Variants in ZNF66 observed in about 807,000 individuals in gnomAD.
ZNF66 encodes putative zinc finger protein 66.
ZNF66 carries 32 observed loss-of-function variants against 35.2 expected under a neutral mutation model. The ratio of observed to expected loss-of-function variants is 0.91; its 90% CI spans 0.69 to 1.22. The LOEUF (loss-of-function observed/expected upper bound fraction) is 1.22. ZNF66 is among the 50% of genes most tolerant of loss of function. The pLI, the probability that ZNF66 is intolerant of heterozygous loss-of-function variation, is 0.00. For missense variants in ZNF66, 666 were observed against 543.1 expected (o/e 1.23, Z -2.25); for synonymous variants, 231 against 181.3 (o/e 1.27, Z -2.20).
chr19:20,788,829 G>A (rs1307191997), intron 1 of ZNF66, among the ~76,000 whole-genome samples: 6 of 151,934 alleles, frequency 3.9e-5, no homozygotes, highest in African/African-American at 9.7e-5. Context: ...AAGGCAGGTG[G>A]ATCACAAGGT....
In ZNF66 at chr19:20,792,492, T is replaced by C. The variant is rs1186992987; in HGVS notation, c.4-20T>C. ...CGCCCATAACCACTTGGTGAAAATGTGTGTGTGTATATTTTTCAGGGGCCA... is the reference window on the plus strand; with the variant it reads ...CGCCCATAACCACTTGGTGAAAATGCGTGTGTGTATATTTTTCAGGGGCCA... On this transcript the variant is annotated intron_variant, in intron 1 of 3. Transcript: ENST00000344519. 1.3e-6 allele frequency: 2 copies of C among 1,490,136 alleles called. No homozygotes were observed. The highest frequency in any genetic ancestry group is 1.8e-6 in the Non-Finnish European group (2 of 1,085,160). The allele number at this position is 1,490,136 out of a possible 1,614,324, so 92.3% of individuals were successfully genotyped here.
intron 2 of ZNF66, 56 bp from the exon 3 acceptor site, chr19:20,793,727 A>G: frequency 4.7e-6 from 3 of 643,000 alleles, no homozygotes; most frequent in Non-Finnish European, 7.6e-6. Context: ...GCACATTACT[A>G]GCTTGTAATT....
chr19:20,802,994 C>T (rs1971463777), intron 3 of ZNF66, among the ~76,000 whole-genome samples: 1 of 146,336 alleles, frequency 6.8e-6, no homozygotes, highest in South Asian at 2.2e-4. Flanking sequence ...TAAAATATGA[C>T]ATTTTCTTAC....
intron 3 of ZNF66, among the ~76,000 whole-genome samples, chr19:20,795,735 T>C (rs1200342661): frequency 6.6e-6 from 1 of 152,132 alleles, no homozygotes; most frequent in African/African-American, 2.4e-5. Flanking sequence ...AACTGAGTCA[T>C]AGAACCGCTT....
rs1162834296 is a variant in ZNF66, at chr19:20,806,573, T to A, written c.973T>A (p.Ser325Thr). 2 of 1,587,086 alleles carry A rather than the reference T, an allele frequency of 1.3e-6. No homozygotes were observed. The highest frequency in any genetic ancestry group is 4.5e-5 in the East Asian group (2 of 44,726). ...AGAATGTGGTAAAGCCTTCAACTGG[T>A]CCTCACACCTTACTACACATAAGAG... ...CEECGKAFNW[S>T]SHLTTHKRIH... Residue 325 changes from serine to threonine, a missense_variant, in exon 4 of 4, where the codon TCC (serine) becomes ACC (threonine). Physicochemically the swap from Ser to Thr is moderately conservative, Grantham distance 58 (BLOSUM62 1). Transcript: ENST00000344519.
intron 1 of ZNF66, among the ~76,000 whole-genome samples, chr19:20,781,039 C>T (rs1254635389): frequency 9.8e-5 from 15 of 152,312 alleles, no homozygotes; most frequent in Non-Finnish European, 2.9e-5. Flanking sequence ...GGCATATCCC[C>T]ATCCACAGAT....
chr19:20,807,430 A>T lies in ZNF66; in HGVS notation c.*108A>T, dbSNP rs1005131804. The T allele has an allele frequency of 3.6e-6, 2 of 550,604 alleles. No homozygotes were observed. Among genetic ancestry groups the T allele is most frequent in the Non-Finnish European group, 3.2e-6 (1 of 310,174 alleles). The allele number at this position is 550,604 out of a possible 1,614,324, so 34.1% of individuals were successfully genotyped here. On this transcript the variant is annotated 3_prime_UTR_variant, in exon 4 of 4. Transcript: ENST00000344519. ...AACCAGCTATCAACTTTTACTAAAT[A>T]TGAGAATTTATGGAACACAAACACT...
chr19:20,809,814 A>G lies in ZNF66; in HGVS notation c.*2492A>G, dbSNP rs1971571089. Among the ~76,000 whole-genome samples the G allele has an allele frequency of 1.3e-5, 2 of 152,174 alleles. No individual in the cohort carries two copies. Among genetic ancestry groups the G allele is most frequent in the African/African-American group, 4.8e-5 (2 of 41,434 alleles). ...CAGCTAACATCATAATGACAGCATC[A>G]AATTCTCACATAACAATATTAGCTT... On this transcript the variant is annotated 3_prime_UTR_variant, in exon 4 of 4. Coordinates refer to ENST00000344519, the MANE Select transcript of ZNF66 (RefSeq NM_001355197.2).
intron 1 of ZNF66, among the ~76,000 whole-genome samples, chr19:20,782,355 A>G (rs1971252724): frequency 6.6e-6 from 1 of 152,238 alleles, no homozygotes; most frequent in South Asian, 2.1e-4. Flanking sequence ...GTGTCTTTAT[A>G]ATATAATAAT....
At chr19:20,801,197 CA>C (rs1971444516) in intron 3 of ZNF66, among the ~76,000 whole-genome samples, 1 of 151,900 alleles carries the variant, frequency 6.6e-6, no homozygotes, top group African/African-American at 2.4e-5. Context: ...AACTTTTTTT[CA>C]TTCTGTTACT....
At chr19:20,796,140 T>C (rs34333465) in intron 3 of ZNF66, among the ~76,000 whole-genome samples, 14,260 of 152,142 alleles carry the variant, frequency 0.094, 794 homozygotes, top group Non-Finnish European at 0.12. Context: ...TCTCCAACGT[T>C]AATGTACCAT....
At chr19:20,780,407 CA>C (rs1345566586) in intron 1 of ZNF66, among the ~76,000 whole-genome samples, 3 of 152,130 alleles carry the variant, frequency 2.0e-5, no homozygotes, top group Non-Finnish European at 2.9e-5. Flanking sequence ...AACTGGTAAA[CA>C]TAACTACAGT....
intron 1 of ZNF66, among the ~76,000 whole-genome samples, chr19:20,785,501 A>G (rs935076482): frequency 1.3e-5 from 2 of 152,198 alleles, no homozygotes; most frequent in Middle Eastern, 3.2e-3. Flanking sequence ...CAGATGCCCT[A>G]TTCCATCTCC....
Position 20,776,337 on chromosome 19 carries a change from GTTCA to G in ZNF66, c.-110_-107del. On this transcript the variant is annotated 5_prime_UTR_variant, in exon 1 of 4. Transcript: ENST00000344519. ...CTGCAGCTGGAGCTCCAGGTCGTCT[GTTCA>G]CTGCTCTCTGTCTTCTTCTCCTAGA... The G allele has an allele frequency of 6.8e-7, 1 of 1,469,256 alleles. No individual in the cohort carries two copies. The highest frequency in any genetic ancestry group is 9.5e-7 in the Non-Finnish European group (1 of 1,051,576). 91.0% of individuals were successfully genotyped at this position (1,469,256 alleles called of 1,614,324 possible). A position where few individuals can be genotyped will look rare whatever the true frequency, so the allele number is the denominator to read the frequency against.
intron 1 of ZNF66, 67 bp from the exon 2 acceptor site, chr19:20,792,445 C>T (rs1371739901): frequency 6.6e-6 from 9 of 1,353,864 alleles, no homozygotes; most frequent in African/African-American, 1.5e-5. Context: ...TCTCATTTCA[C>T]CTTAAGTCAA....
intron 1 of ZNF66, among the ~76,000 whole-genome samples, chr19:20,790,548 G>A (rs1244618121): frequency 7.7e-6 from 1 of 130,160 alleles, no homozygotes; most frequent in Non-Finnish European, 1.7e-5. Context: ...CATCTTCATG[G>A]AGCAGCTCAT....
chr19:20,782,939 G>C (rs1317070782), intron 1 of ZNF66, among the ~76,000 whole-genome samples: 3 of 152,082 alleles, frequency 2.0e-5, no homozygotes, highest in Admixed American at 6.6e-5. Context: ...TCTGTGTCTA[G>C]AATGGTGTTT....
Position 20,806,992 on chromosome 19 carries a change from C to T in ZNF66, c.1392C>T (p.Arg464=), listed in dbSNP as rs898140123. The change falls in exon 4 of 4, where the codon CGC becomes CGT. Residue 464 remains arginine (R), a synonymous_variant. Coordinates refer to ENST00000344519, the MANE Select transcript of ZNF66 (RefSeq NM_001355197.2). ...ECEDCGKAFN[R]SSNLTKHKKI... is the part of the protein sequence containing the mutation. ...AAGACTGTGGCAAAGCCTTTAACCGCTCCTCTAACCTTACTAAACACAAGA... is the reference window on the plus strand; with the variant it reads ...AAGACTGTGGCAAAGCCTTTAACCGTTCCTCTAACCTTACTAAACACAAGA... 1.9e-5 allele frequency: 18 copies of T among 969,936 alleles called. No individual in the cohort carries two copies. Among genetic ancestry groups the T allele is most frequent in the Non-Finnish European group, 2.7e-5 (16 of 597,666 alleles). 60.1% of individuals were successfully genotyped at this position (969,936 alleles called of 1,614,324 possible).
At chr19:20,784,793 T>G (rs1340361487) in intron 1 of ZNF66, 3 of 152,200 alleles carry the variant, frequency 2.0e-5, no homozygotes, top group Non-Finnish European at 4.4e-5. Flanking sequence ...GAAATTTATT[T>G]TAGGAGAATA....
Sources: allele counts gnomAD v4.1 joint callset (sites outside exome capture counted in the v4.1 genomes callset), GRCh38; gene constraint gnomAD v4.1.1; transcripts MANE v1.5; gene names NCBI Gene and HGNC (gene_info 2026-07-23, HGNC 2026-07-21).